Variants in VPS13B observed in about 807,000 individuals in gnomAD.
VPS13B encodes the protein intermembrane lipid transfer protein VPS13B.
In VPS13B, 285 loss-of-function variants were observed where a neutral mutation model predicts 426.4. The observed-to-expected ratio is 0.67, with a 90% confidence interval of 0.61 to 0.74. The LOEUF (loss-of-function observed/expected upper bound fraction) is 0.74, where lower values mean the gene tolerates loss of function less well. Ranked by LOEUF, VPS13B falls within the 30% of genes least tolerant of loss-of-function variation. The probability of loss-of-function intolerance (pLI) is 0.00; values close to 1 mark genes in which losing one functional copy is unlikely to be tolerated. For synonymous variants in VPS13B, 1,676 were observed against 1,676.4 expected, an observed-to-expected ratio of 1.00 and a Z score of 0.01; for missense variants, 4,537 against 4,782.6, an observed-to-expected ratio of 0.95 and a Z score of 1.51.
chr8:99,873,029 G>A (rs957091516), intron 61 of VPS13B, among the ~76,000 whole-genome samples: 1 of 152,198 alleles, frequency 6.6e-6, no homozygotes, highest in African/African-American at 2.4e-5. Flanking sequence ...TATTAGATCT[G>A]CCAGAATCTT....
intron 35 of VPS13B, among the ~76,000 whole-genome samples, chr8:99,675,160 A>G (rs541473591): frequency 6.6e-6 from 1 of 151,990 alleles, no homozygotes; most frequent in East Asian, 1.9e-4. Flanking sequence ...TTGTCCAGGA[A>G]AGTTTTTATC....
At chr8:99,083,393 C>A (rs2132380191) in intron 3 of VPS13B, among the ~76,000 whole-genome samples, 1 of 152,312 alleles carries the variant, frequency 6.6e-6, no homozygotes, top group East Asian at 1.9e-4. Flanking sequence ...ACAATCATGT[C>A]ATCTGCAAAC....
chr8:99,278,902 A>G (rs1819029167), intron 19 of VPS13B, among the ~76,000 whole-genome samples: 1 of 152,210 alleles, frequency 6.6e-6, no homozygotes, highest in Non-Finnish European at 1.5e-5. Context: ...GGCTCTTATT[A>G]GAATACAGTA....
In VPS13B at chr8:99,442,490, A is replaced by G. The variant is rs770402973; in HGVS notation, c.3300A>G (p.Val1100=). 1.2e-6 allele frequency: 2 copies of G among 1,613,972 alleles called. No individual in the cohort carries two copies. The highest frequency in any genetic ancestry group is 2.2e-5 in the South Asian group (2 of 91,086). Residue 1100 remains valine (V), a synonymous_variant, in exon 23 of 62, where the codon GTA becomes GTG. Transcript: ENST00000357162. ...TIVSGDIPGT[V]RSWYHGQTSM... ...TATCTGGTGACATTCCTGGAACAGT[A>G]AGAAGTTGGTACCATGGACAAACCA...
At chr8:99,055,713 A>G (rs1017484410) in intron 3 of VPS13B, among the ~76,000 whole-genome samples, 3 of 151,910 alleles carry the variant, frequency 2.0e-5, no homozygotes, top group African/African-American at 7.3e-5. Context: ...TACACCACCA[A>G]TTTTGGTGAG....
intron 8 of VPS13B, 63 bp downstream of exon 8, chr8:99,121,508 G>A (rs1386723417): frequency 1.5e-5 from 24 of 1,600,660 alleles, no homozygotes; most frequent in Non-Finnish European, 1.9e-5. Flanking sequence ...TGGATTGTTA[G>A]TACAATTCTA....
At position 99,391,537 on chromosome 8, in the gene VPS13B, T is replaced by C. The variant is rs769588013; in HGVS notation, c.2935-20T>C. ...TGAAAAACTAAAAACTAAAAAGGTT[T>C]TCATTTTGTCTCTTTCCAGCAGCCT... On this transcript the variant is annotated intron_variant, in intron 20 of 61. Coordinates refer to ENST00000357162, the MANE Select transcript of VPS13B (RefSeq NM_152564.5). 1 of 1,614,118 alleles carries C rather than the reference T, an allele frequency of 6.2e-7. No individual in the cohort carries two copies. The highest frequency in any genetic ancestry group is 8.5e-7 in the Non-Finnish European group (1 of 1,179,992).
intron 33 of VPS13B, among the ~76,000 whole-genome samples, chr8:99,582,748 T>C (rs562902683): frequency 4.1e-4 from 62 of 152,256 alleles, no homozygotes; most frequent in African/African-American, 1.3e-3. Context: ...CTCCGCCTCC[T>C]GTGTTCACGC....
chr8:99,706,102 T>G (rs913473100), intron 36 of VPS13B, among the ~76,000 whole-genome samples: 3 of 152,058 alleles, frequency 2.0e-5, no homozygotes, highest in African/African-American at 7.2e-5. Context: ...CTATAAAATA[T>G]AATTAAGCCC....
chr8:99,816,008 T>G (rs992072208), intron 44 of VPS13B, among the ~76,000 whole-genome samples: 1 of 151,982 alleles, frequency 6.6e-6, no homozygotes, highest in African/African-American at 2.4e-5. Flanking sequence ...ATTTTTAAAT[T>G]TTTTGTATAG....
intron 16 of VPS13B, among the ~76,000 whole-genome samples, chr8:99,189,892 T>C (rs1813458849): frequency 6.6e-6 from 1 of 152,228 alleles, no homozygotes; most frequent in South Asian, 2.1e-4. Flanking sequence ...TCTTGTAGTA[T>C]GCCTTGGTGA....
chr8:99,400,184 A>G (rs1311395339), intron 21 of VPS13B, among the ~76,000 whole-genome samples: 2 of 152,178 alleles, frequency 1.3e-5, no homozygotes, highest in South Asian at 4.1e-4. Flanking sequence ...TATTGGAGTT[A>G]TTTGACTTCC....
intron 15 of VPS13B, among the ~76,000 whole-genome samples, chr8:99,161,724 A>G (rs1588100968): frequency 6.7e-6 from 1 of 148,708 alleles, no homozygotes; most frequent in Non-Finnish European, 1.5e-5. Flanking sequence ...TGTTAAGTGT[A>G]CTAAATCCTT....
At chr8:99,224,266 GA>G (rs1815892912) in intron 17 of VPS13B, among the ~76,000 whole-genome samples, 2 of 152,256 alleles carry the variant, frequency 1.3e-5, no homozygotes, top group East Asian at 3.9e-4. Context: ...AGTGGGAAAA[GA>G]ATACTTCATA....
At chr8:99,305,141 G>C (rs1418391537) in intron 19 of VPS13B, among the ~76,000 whole-genome samples, 1 of 151,760 alleles carries the variant, frequency 6.6e-6, no homozygotes, top group African/African-American at 2.4e-5. Flanking sequence ...TTACAAATTC[G>C]CTTCCCAAGA....
At chr8:99,501,543 G>A in intron 25 of VPS13B, 144 bp from the exon 26 acceptor site, 4 of 772,770 alleles carry the variant, frequency 5.2e-6, no homozygotes, top group Non-Finnish European at 8.3e-6. Context: ...ATTATGTATT[G>A]GTATTAACAT....
chr8:99,779,938 C>A (rs1430072826), intron 42 of VPS13B, among the ~76,000 whole-genome samples: 1 of 152,040 alleles, frequency 6.6e-6, no homozygotes, highest in Non-Finnish European at 1.5e-5. Flanking sequence ...TGGGATGGAG[C>A]AGTTAAGGGG....
chr8:99,824,116 A>G (rs1013151600), intron 51 of VPS13B, 138 bp downstream of exon 51: 7 of 1,108,476 alleles, frequency 6.3e-6, no homozygotes, highest in Admixed American at 6.2e-5. Context: ...TTTTGTTGTA[A>G]TTAAAACCAT....
At chr8:99,423,880 T>C (rs190341870) in intron 21 of VPS13B, among the ~76,000 whole-genome samples, 180 of 152,254 alleles carry the variant, frequency 1.2e-3, no homozygotes, top group Non-Finnish European at 1.8e-3. Context: ...AAAGAATGCA[T>C]ATACGTTGAT....
Sources: gnomAD v4.1 joint callset for allele counts (sites outside exome capture counted in the v4.1 genomes callset) on GRCh38, gnomAD v4.1.1 for gene constraint, MANE v1.5 for transcripts, NCBI Gene and HGNC (gene_info 2026-07-23, HGNC 2026-07-21) for gene names.